The following EPS8L3 variants were observed in gnomAD, a reference collection of about 807,000 sequenced individuals.
EPS8L3 encodes EPS8 signaling adaptor L3.
EPS8L3 carries 80 observed loss-of-function variants against 88.5 expected under a neutral mutation model. That is an observed-to-expected ratio of 0.90 (90% confidence interval 0.75 to 1.09). EPS8L3 has a LOEUF of 1.09. Among genes scored for constraint, EPS8L3 ranks in the 50% least tolerant of loss-of-function variants. The pLI is 0.00. For synonymous variants in EPS8L3, 286 were observed against 291.0 expected, an observed-to-expected ratio of 0.98 and a Z score of 0.18; for missense variants, 721 against 735.2, an observed-to-expected ratio of 0.98 and a Z score of 0.22.
At chr1:109,752,742 G>A (rs1464172756) in intron 13 of EPS8L3, 22 bp from the exon 14 acceptor site, 3 of 1,550,744 alleles carry the variant, frequency 1.9e-6, no homozygotes, top group African/African-American at 2.7e-5. Context: ...AGAACAGAGA[G>A]TGAGTAAGAG....
intron 7 of EPS8L3, 24 bp from the exon 8 acceptor site, chr1:109,758,455 C>G: frequency 6.3e-7 from 1 of 1,577,170 alleles, no homozygotes; most frequent in Non-Finnish European, 8.6e-7. Context: ...GGACCATGGA[C>G]CTAGATCTTA....
In EPS8L3 at chr1:109,758,758, C is replaced by T. The variant is rs571765884; in HGVS notation, c.462-95G>A. The T allele has an allele frequency of 3.6e-5, 53 of 1,455,406 alleles. No individual in the cohort carries two copies. The African/African-American group carries it at 4.8e-4, about 13-fold the overall frequency. The allele number at this position is 1,455,406 out of a possible 1,614,324, so 90.2% of individuals were successfully genotyped here. ...GCTCCAGGACCCAGGGGCACCACCA[C>T]CTCTCTCCAGGAGTCCCACCCCCTG... On this transcript the variant is annotated intron_variant, in intron 6 of 18. Transcript: ENST00000361965.
rs760279355 is a variant in EPS8L3, at chr1:109,759,346, C to T, written c.297G>A (p.Met99Ile). 2.5e-6 allele frequency: 4 copies of T among 1,614,054 alleles called. No individual in the cohort carries two copies. Among genetic ancestry groups the T allele is most frequent in the South Asian group, 2.2e-5 (2 of 91,088 alleles). ...DSYRLDSIQAMNVALNTCSYN... is the reference protein window; with the variant it reads ...DSYRLDSIQAINVALNTCSYN... The stretch of plus-strand genomic sequence containing the variant: ...AGGAACATGTGTTGAGCGCCACATT[C>T]ATGGCCTGGATGCTGTCTAGGCGGT... The change falls in exon 5 of 19, where the codon ATG (methionine) becomes ATA (isoleucine). Residue 99 changes from methionine (M) to isoleucine (I), a missense_variant. Met to Ile is a conservative substitution (Grantham distance 10). Coordinates refer to ENST00000361965, the MANE Select transcript of EPS8L3 (RefSeq NM_133181.4). This position sits in a 1 kb window ranked among gnomAD's most constrained non-coding sequence, Gnocchi z 4.2.
chr1:109,757,398 C>T, intron 11 of EPS8L3, 83 bp downstream of exon 11: 3 of 1,387,394 alleles, frequency 2.2e-6, no homozygotes, highest in East Asian at 4.6e-5. Flanking sequence ...TCCCCCATCC[C>T]CCTCCACCAG....
chr1:109,762,998 G>A (rs1242579601), intron 1 of EPS8L3, among the ~76,000 whole-genome samples: 1 of 152,178 alleles, frequency 6.6e-6, no homozygotes, highest in Non-Finnish European at 1.5e-5. Context: ...ATCCAAATGA[G>A]GTTTGTGGGT....
chr1:109,753,555 G>A (rs1403645319), intron 12 of EPS8L3, among the ~76,000 whole-genome samples: 2 of 152,334 alleles, frequency 1.3e-5, no homozygotes, highest in South Asian at 2.1e-4. Flanking sequence ...CAGGGGTCTT[G>A]TGCAGTATTT....
chr1:109,751,604 G>T, intron 16 of EPS8L3, 50 bp downstream of exon 16: 2 of 1,611,530 alleles, frequency 1.2e-6, no homozygotes, highest in South Asian at 2.2e-5. Flanking sequence ...TCCCCACCCC[G>T]ACCTCCAACT....
In EPS8L3 at chr1:109,760,317, C is replaced by G. The variant is rs138194153; in HGVS notation, c.97-481G>C. ...CTGGTTCATGCCTGGAGATATCCAT[C>G]GTGATCTCAGTCTCCGCTCAAGTCC... On this transcript the variant is annotated intron_variant, in intron 3 of 18. Transcript: ENST00000361965. Among the ~76,000 whole-genome samples the G allele has an allele frequency of 7.7e-4, 117 of 152,294 alleles. 1 individual carries two copies. In the East Asian group the frequency reaches 0.019, roughly 24 times the overall value.
rs1427382080 is a variant in EPS8L3 at position 109,757,275 on chromosome 1, C to T, written c.970-110G>A. On this transcript the variant is annotated intron_variant, in intron 11 of 18. Transcript: ENST00000361965. ...CCACTTTTGCAATGGTAGGATGTTA[C>T]CTCCTGCAAGGGGCCCCATCTGCCT... The T allele has an allele frequency of 8.2e-6, 11 of 1,347,600 alleles. No individual in the cohort carries two copies. In the East Asian group the frequency reaches 2.0e-4, roughly 25 times the overall value. 83.5% of individuals were successfully genotyped at this position (1,347,600 alleles called of 1,614,324 possible).
intron 8 of EPS8L3, 73 bp downstream of exon 8, chr1:109,758,243 A>C (rs764633570): frequency 1.7e-5 from 24 of 1,447,786 alleles, no homozygotes; most frequent in Non-Finnish European, 2.2e-5. Context: ...TCCTAGAAAA[A>C]GAGGGAGGGT....
At chr1:109,753,221 G>A (rs748794949) in intron 12 of EPS8L3, 23 bp from the exon 13 acceptor site, 25 of 1,580,258 alleles carry the variant, frequency 1.6e-5, no homozygotes, top group Admixed American at 7.0e-5. Flanking sequence ...ACAAAGCTGA[G>A]TTCACATCCA....
chr1:109,751,163 C>T, intron 17 of EPS8L3, 115 bp downstream of exon 17: 1 of 875,124 alleles, frequency 1.1e-6, no homozygotes, highest in Non-Finnish European at 1.8e-6. Context: ...AGAGACGGTG[C>T]TGGATCGGGG....
chr1:109,761,878 A>C (rs1651008767), intron 1 of EPS8L3, 105 bp from the exon 2 acceptor site: 1 of 998,722 alleles, frequency 1.0e-6, no homozygotes, highest in Non-Finnish European at 1.5e-6. Context: ...GGCCTCTGGG[A>C]CCAGACCCAA....
chr1:109,762,582 CT>C (rs1398740512), intron 1 of EPS8L3, among the ~76,000 whole-genome samples: 1 of 152,118 alleles, frequency 6.6e-6, no homozygotes, highest in East Asian at 1.9e-4. Flanking sequence ...TGCTGAGCCC[CT>C]TACCAACATC....
At position 109,752,089 on chromosome 1, in the gene EPS8L3, T is replaced by G. The variant is rs569044050; in HGVS notation, c.1340A>C (p.Lys447Thr). The change falls in exon 15 of 19, where the codon AAA (lysine) becomes ACA (threonine). Residue 447 changes from lysine (K) to threonine (T), a missense_variant. Lys to Thr is a moderately conservative substitution (Grantham distance 78, BLOSUM62 -1). Coordinates refer to ENST00000361965, the MANE Select transcript of EPS8L3 (RefSeq NM_133181.4). ...CATTTTCAGGGCTGGCTGGGCAGGT[T>G]TGGGGCTGGAGGGCCTGGAGTTGGG... ...GDPNSRPSSP[K>T]PAQPALKMQV... is the part of the protein sequence containing the mutation. 6.8e-6 allele frequency: 11 copies of G among 1,614,056 alleles called. No homozygotes were observed. The highest frequency in any genetic ancestry group is 1.3e-5 in the African/African-American group (1 of 75,000).
intron 12 of EPS8L3, among the ~76,000 whole-genome samples, chr1:109,754,740 G>A (rs1277456300): frequency 6.6e-6 from 1 of 152,150 alleles, no homozygotes; most frequent in Non-Finnish European, 1.5e-5. Flanking sequence ...CCTCTTGTTT[G>A]AGTCTATTGT....
rs1403802108 is a variant in EPS8L3 at position 109,758,078 on chromosome 1, TGG to T, written c.718-22_718-21del. On this transcript the variant is annotated intron_variant, in intron 8 of 18. Transcript: ENST00000361965. ...CACTTCCTGGGCCCCAAACAACCCA[TGG>T]CCTTGAACGGGCAGTTGGGCCCACC... The T allele has an allele frequency of 1.2e-6, 2 of 1,609,194 alleles. No homozygotes were observed. The highest frequency in any genetic ancestry group is 1.7e-6 in the Non-Finnish European group (2 of 1,176,692).
chr1:109,751,345 T>A lies in EPS8L3; in HGVS notation c.1570A>T (p.Met524Leu). 1 of 1,613,664 alleles carries A rather than the reference T, an allele frequency of 6.2e-7. No homozygotes were observed. Among genetic ancestry groups the A allele is most frequent in the Non-Finnish European group, 8.5e-7 (1 of 1,179,962 alleles). Reference sequence around the variant, plus strand: ...TCAGGCCTCGAGCTAAGTCGAAGCATTGGAACCTAGAATCAGGGGGAACCA... The same window carrying A: ...TCAGGCCTCGAGCTAAGTCGAAGCAATGGAACCTAGAATCAGGGGGAACCA... The part of the protein sequence containing the change: ...TQGQSPSRVP[M>L]LRLSSRPEEV... The change falls in exon 17 of 19, where the codon ATG (methionine) becomes TTG (leucine). Residue 524 changes from methionine (M) to leucine (L), a missense_variant. Physicochemically the swap from Met to Leu is conservative, Grantham distance 15. Transcript: ENST00000361965.
rs1176113093 is a variant in EPS8L3 at position 109,759,914 on chromosome 1, C to T, written c.97-78G>A. On this transcript the variant is annotated intron_variant, in intron 3 of 18. Transcript: ENST00000361965. The surrounding 1 kb of genome is among the most constrained non-coding windows in gnomAD (Gnocchi z 4.2). ...CACAGGCGTGCTGGGTAGAGAAAAG[C>T]AGAAGAGGAAGAAGACGTGTCCTCG... 1.3e-6 allele frequency: 2 copies of T among 1,496,408 alleles called. No individual in the cohort carries two copies. The highest frequency in any genetic ancestry group is 1.8e-6 in the Non-Finnish European group (2 of 1,102,282). 92.7% of individuals were successfully genotyped at this position (1,496,408 alleles called of 1,614,324 possible). A position where few individuals can be genotyped will look rare whatever the true frequency, so the allele number is the denominator to read the frequency against.
Sources: gnomAD v4.1 joint callset for allele counts (sites outside exome capture counted in the v4.1 genomes callset) on GRCh38, gnomAD v4.1.1 for gene constraint, Gnocchi (gnomAD v3.1) non-coding constraint, MANE v1.5 for transcripts, NCBI Gene and HGNC (gene_info 2026-07-23, HGNC 2026-07-21) for gene names.